Variants in AP3B1 observed in about 807,000 individuals in gnomAD.
AP3B1 encodes AP-3 complex subunit beta-1.
Under a neutral mutation model 132.5 loss-of-function variants are expected in AP3B1, and 61 were observed. The ratio of observed to expected loss-of-function variants is 0.46; its 90% CI spans 0.37 to 0.57. The LOEUF is 0.57. Among genes scored for constraint, AP3B1 ranks in the 20% least tolerant of loss-of-function variants. The pLI is 0.00. For synonymous variants in AP3B1, 388 were observed against 438.3 expected, an observed-to-expected ratio of 0.89 and a Z score of 1.43; for missense variants, 1,120 against 1,289.4, an observed-to-expected ratio of 0.87 and a Z score of 2.01.
intron 26 of AP3B1, among the ~76,000 whole-genome samples, chr5:78,014,431 T>C (rs1223411925): frequency 2.0e-5 from 3 of 152,158 alleles, no homozygotes; most frequent in Non-Finnish European, 4.4e-5. Context: ...ACATAAGGAA[T>C]GTAAAGCACA....
At chr5:78,210,416 A>G (rs1281065206) in intron 7 of AP3B1, among the ~76,000 whole-genome samples, 1 of 152,200 alleles carries the variant, frequency 6.6e-6, no homozygotes, top group Non-Finnish European at 1.5e-5. Context: ...GAAAAACTTA[A>G]GAACTTACCT....
At chr5:78,043,152 T>G (rs138923096) in intron 22 of AP3B1, 1 of 152,842 alleles carries the variant, frequency 6.5e-6, no homozygotes, top group African/African-American at 2.4e-5. Flanking sequence ...TTTGTTTGTT[T>G]TGAGATGGTG....
At chr5:78,293,625 T>C (rs1394117056) in intron 1 of AP3B1, among the ~76,000 whole-genome samples, 2 of 152,222 alleles carry the variant, frequency 1.3e-5, no homozygotes, top group Non-Finnish European at 2.9e-5. Context: ...CAGACTATTA[T>C]GTGACCCTAT....
chr5:78,124,383 C>T (rs771129660), intron 17 of AP3B1, among the ~76,000 whole-genome samples: 3 of 151,990 alleles, frequency 2.0e-5, no homozygotes, highest in Non-Finnish European at 2.9e-5. Context: ...CACAAAATCT[C>T]CATATGATTA....
intron 2 of AP3B1, among the ~76,000 whole-genome samples, chr5:78,243,013 T>C (rs1382442673): frequency 2.6e-5 from 4 of 152,238 alleles, no homozygotes; most frequent in African/African-American, 9.6e-5. Context: ...ACTTGAAGCA[T>C]TAGAATCCCC....
intron 24 of AP3B1, among the ~76,000 whole-genome samples, chr5:78,027,006 T>C (rs944075348): frequency 2.7e-4 from 41 of 152,308 alleles, no homozygotes; most frequent in African/African-American, 9.6e-4. Flanking sequence ...TTCTGGTTTT[T>C]AAACTTTTTT....
chr5:78,257,168 T>A (rs996317415), intron 2 of AP3B1, among the ~76,000 whole-genome samples: 3 of 152,124 alleles, frequency 2.0e-5, no homozygotes, highest in Non-Finnish European at 4.4e-5. Context: ...AAGTCCTAGC[T>A]AGAGCAATCA....
intron 24 of AP3B1, among the ~76,000 whole-genome samples, 174 bp from the exon 25 acceptor site, chr5:78,020,963 T>G (rs948124240): frequency 1.3e-5 from 2 of 152,060 alleles, no homozygotes; most frequent in African/African-American, 4.8e-5. Context: ...CAACATTACT[T>G]GCAGAAAAAT....
At chr5:78,224,239 T>C (rs912320397) in intron 6 of AP3B1, among the ~76,000 whole-genome samples, 5 of 152,084 alleles carry the variant, frequency 3.3e-5, no homozygotes, top group African/African-American at 1.2e-4. Flanking sequence ...ATACCAACTA[T>C]GCATAGAAGA....
intron 22 of AP3B1, among the ~76,000 whole-genome samples, chr5:78,069,046 A>G (rs535234525): frequency 6.6e-6 from 1 of 152,366 alleles, no homozygotes; most frequent in South Asian, 2.1e-4. Flanking sequence ...GCCTTTGACA[A>G]AATTCAATAT....
At chr5:78,068,840 C>G (rs962542888) in intron 22 of AP3B1, among the ~76,000 whole-genome samples, 31 of 151,942 alleles carry the variant, frequency 2.0e-4, no homozygotes, top group African/African-American at 7.5e-4. Context: ...TGATGAACAT[C>G]AATGCAAAAA....
intron 20 of AP3B1, among the ~76,000 whole-genome samples, chr5:78,108,827 T>C (rs1751453434): frequency 6.6e-6 from 1 of 152,132 alleles, no homozygotes; most frequent in Non-Finnish European, 1.5e-5. Flanking sequence ...ACTGTGGCTT[T>C]TTAATGGGAT....
chr5:78,270,954 T>A (rs1051646156), intron 1 of AP3B1, among the ~76,000 whole-genome samples: 3 of 152,178 alleles, frequency 2.0e-5, no homozygotes, highest in East Asian at 1.9e-4. Context: ...CTTGCCCTCA[T>A]AGGGATTTCA....
chr5:78,010,803 A>G (rs1746589132), intron 26 of AP3B1, among the ~76,000 whole-genome samples: 1 of 152,068 alleles, frequency 6.6e-6, no homozygotes, highest in African/African-American at 2.4e-5. Flanking sequence ...GATACACTTT[A>G]TTTATGTATT....
chr5:78,256,084 A>G (rs770565124), intron 2 of AP3B1, among the ~76,000 whole-genome samples: 1 of 152,078 alleles, frequency 6.6e-6, no homozygotes, highest in Admixed American at 6.5e-5. Context: ...GAAAAACTTC[A>G]AAAGCACAAT....
At chr5:78,165,537 G>T in intron 12 of AP3B1, 73 bp downstream of exon 12, 3 of 1,010,692 alleles carry the variant, frequency 3.0e-6, no homozygotes, top group Non-Finnish European at 4.6e-6. Context: ...CATATTTCTA[G>T]ATAGAAAAAG....
intron 23 of AP3B1, among the ~76,000 whole-genome samples, chr5:78,034,929 T>C (rs927738856): frequency 6.6e-6 from 1 of 151,932 alleles, no homozygotes; most frequent in South Asian, 2.1e-4. Context: ...GTAAATCAAG[T>C]TGGAAGAAGA....
intron 2 of AP3B1, among the ~76,000 whole-genome samples, chr5:78,249,111 T>G (rs995738651): frequency 6.6e-6 from 1 of 152,122 alleles, no homozygotes; most frequent in African/African-American, 2.4e-5. Context: ...TCCCAGCACT[T>G]TGGGAGGCTG....
At chr5:78,210,880 AGAG>A in intron 7 of AP3B1, among the ~76,000 whole-genome samples, 1 of 152,152 alleles carries the variant, frequency 6.6e-6, no homozygotes, top group Non-Finnish European at 1.5e-5. Flanking sequence ...CTTTAGTCTT[AGAG>A]ATCTAGGTTT....
Sources: gnomAD v4.1 joint callset for allele counts (sites outside exome capture counted in the v4.1 genomes callset) on GRCh38, gnomAD v4.1.1 for gene constraint, MANE v1.5 for transcripts, NCBI Gene and HGNC (gene_info 2026-07-23, HGNC 2026-07-21) for gene names.